The following RRP9 variants were observed in gnomAD, a reference collection of about 807,000 sequenced individuals.
RRP9 encodes ribosomal RNA processing 9, U3 small nucleolar RNA binding protein.
Under a neutral mutation model 65.5 loss-of-function variants are expected in RRP9, and 35 were observed. The observed-to-expected ratio is 0.53, with a 90% CI of 0.41 to 0.71. RRP9 has a LOEUF of 0.71. Among genes scored for constraint, RRP9 ranks in the 30% least tolerant of loss-of-function variants. The pLI is 0.00. For synonymous variants in RRP9, 254 were observed against 245.0 expected (o/e 1.04, Z -0.34); for missense variants, 533 against 633.6 (o/e 0.84, Z 1.70).
rs1184506296 is a variant in RRP9, at chr3:51,937,130, C to A, written c.517+62G>T. On this transcript the variant is annotated intron_variant, in intron 6 of 14. Transcript: ENST00000232888. The surrounding 1 kb of genome is among the most constrained non-coding windows in gnomAD (Gnocchi z 5.0). Reference sequence around the variant, plus strand: ...TCAGCCTGCCATGACCACTCCCACTCCCCTGACCAGCCCTCCCGGATCCGC... The same window carrying A: ...TCAGCCTGCCATGACCACTCCCACTACCCTGACCAGCCCTCCCGGATCCGC... 2.5e-6 allele frequency: 4 copies of A among 1,598,064 alleles called. No individual in the cohort carries two copies. Among genetic ancestry groups the A allele is most frequent in the Non-Finnish European group, 3.4e-6 (4 of 1,171,154 alleles).
chr3:51,938,647 C>T (rs1032841246), intron 2 of RRP9, among the ~76,000 whole-genome samples: 1 of 152,190 alleles, frequency 6.6e-6, no homozygotes, highest in Admixed American at 6.5e-5. Flanking sequence ...TCAACGACGA[C>T]ACTGCCAGGT....
At position 51,937,364 on chromosome 3, in the gene RRP9, A is replaced by T. The variant is rs1699470806; in HGVS notation, c.391-46T>A. The T allele has an allele frequency of 1.2e-6, 2 of 1,612,902 alleles. No individual in the cohort carries two copies. Among genetic ancestry groups the T allele is most frequent in the East Asian group, 4.5e-5 (2 of 44,874 alleles). On this transcript the variant is annotated intron_variant, in intron 5 of 14. Coordinates refer to ENST00000232888, the MANE Select transcript of RRP9 (RefSeq NM_004704.5). The surrounding 1 kb of genome is among the most constrained non-coding windows in gnomAD (Gnocchi z 5.0). Reference sequence around the variant, plus strand: ...TCACTGTGGCTAGTGGCATAAAGGCACTACCTTCACCAACCCCACTGCGTA... The same window carrying T: ...TCACTGTGGCTAGTGGCATAAAGGCTCTACCTTCACCAACCCCACTGCGTA...
In RRP9 at chr3:51,933,559, CAG is replaced by C. The variant is rs1338422964; in HGVS notation, c.1373_1374del (p.Ser458CysfsTer38). On this transcript the variant is annotated frameshift_variant, in exon 15 of 15. Transcript: ENST00000232888. LOFTEE classifies it high-confidence loss of function. ...RWWRIKEARN[S>X]VCIIPLRRVP... ...ACCCTGCGGAGTGGGATGATGCAGACAGAATTCCGAGCCTCTTTGATTCTCCA... is the reference window on the plus strand; with the variant it reads ...ACCCTGCGGAGTGGGATGATGCAGACAATTCCGAGCCTCTTTGATTCTCCA... 1 of 1,613,998 alleles carries C rather than the reference CAG, an allele frequency of 6.2e-7. No homozygotes were observed. The highest frequency in any genetic ancestry group is 1.3e-5 in the African/African-American group (1 of 74,910).
At chr3:51,941,562 C>A (rs376328017) in intron 1 of RRP9, 71 bp from the exon 2 acceptor site, 390 of 1,401,218 alleles carry the variant, frequency 2.8e-4, no homozygotes, top group Non-Finnish European at 3.7e-4. Context: ...GGCCCCCCCC[C>A]CTCGGTTCCC....
chr3:51,933,463 G>T lies in RRP9; in HGVS notation c.*43C>A. Reference sequence around the variant, plus strand: ...AGGAGGCTTTTAATACAAAGAGGGTGGGGCATAGCCTGGGAAGGACTTAAA... The same window carrying T: ...AGGAGGCTTTTAATACAAAGAGGGTTGGGCATAGCCTGGGAAGGACTTAAA... On this transcript the variant is annotated 3_prime_UTR_variant, in exon 15 of 15. Transcript: ENST00000232888. 6.6e-7 allele frequency: 1 copy of T among 1,504,584 alleles called. No homozygotes were observed. Among genetic ancestry groups the T allele is most frequent in the Non-Finnish European group, 9.2e-7 (1 of 1,083,652 alleles). 93.2% of individuals were successfully genotyped at this position (1,504,584 alleles called of 1,614,324 possible).
chr3:51,941,555 C>CG, intron 1 of RRP9, 64 bp from the exon 2 acceptor site: 1 of 1,437,072 alleles, frequency 7.0e-7, no homozygotes, highest in African/African-American at 1.4e-5. Flanking sequence ...GACCAAGGGC[C>CG]CCCCCCCCTC....
rs1243924051 is a variant in RRP9 at position 51,937,857 on chromosome 3, G to C, written c.281-121C>G. On this transcript the variant is annotated intron_variant, in intron 3 of 14. Transcript: ENST00000232888. This position sits in a 1 kb window ranked among gnomAD's most constrained non-coding sequence, Gnocchi z 5.0. Reference sequence around the variant, plus strand: ...AGGAAGCTCCAGCTGCCTCAGCAGAGGGGAGGGCAAGCTGGAGGGTTTCCT... The same window carrying C: ...AGGAAGCTCCAGCTGCCTCAGCAGACGGGAGGGCAAGCTGGAGGGTTTCCT... The C allele has an allele frequency of 8.0e-7, 1 of 1,251,954 alleles. No individual in the cohort carries two copies. Among genetic ancestry groups the C allele is most frequent in the East Asian group, 2.3e-5 (1 of 42,658 alleles). The allele number at this position is 1,251,954 out of a possible 1,614,324, so 77.6% of individuals were successfully genotyped here.
intron 7 of RRP9, 37 bp downstream of exon 7, chr3:51,936,394 G>A (rs768254474): frequency 4.3e-6 from 7 of 1,614,074 alleles, no homozygotes; most frequent in Non-Finnish European, 5.9e-6. Flanking sequence ...CCATGCACCA[G>A]ACCTCCCGCC....
chr3:51,939,995 G>A (rs1480430322), intron 2 of RRP9, among the ~76,000 whole-genome samples: 2 of 152,216 alleles, frequency 1.3e-5, no homozygotes, highest in African/African-American at 2.4e-5. Context: ...GGTGGCTCAC[G>A]CCTATAATCC....
At chr3:51,941,518 G>T (rs748494589) in intron 1 of RRP9, 27 bp from the exon 2 acceptor site, 2 of 1,607,008 alleles carry the variant, frequency 1.2e-6, no homozygotes, top group Non-Finnish European at 1.7e-6. Context: ...CTTTTCTTTG[G>T]TCAGGGGTCC....
rs749173437 is a variant in RRP9, at chr3:51,937,329, A to T, written c.391-11T>A. ...GGCTGGGGCCTGGATCTGGGCAGAC[A>T]GGGGCCAGGTCACTGTGGCTAGTGG... On this transcript the variant is annotated splice_polypyrimidine_tract_variant and intron_variant, in intron 5 of 14. Coordinates refer to ENST00000232888, the MANE Select transcript of RRP9 (RefSeq NM_004704.5). This position sits in a 1 kb window ranked among gnomAD's most constrained non-coding sequence, Gnocchi z 5.0. 1 of 1,613,992 alleles carries T rather than the reference A, an allele frequency of 6.2e-7. No homozygotes were observed. The highest frequency in any genetic ancestry group is 1.1e-5 in the South Asian group (1 of 91,046).
chr3:51,941,652 G>A, intron 1 of RRP9, 129 bp downstream of exon 1: 1 of 1,087,720 alleles, frequency 9.2e-7, no homozygotes, highest in Non-Finnish European at 1.4e-6. Flanking sequence ...CGGAGAGAGG[G>A]ACGAAGCTGA....
At position 51,941,767 on chromosome 3, in the gene RRP9, A is replaced by G; in HGVS notation, c.87+14T>C. On this transcript the variant is annotated intron_variant, in intron 1 of 14. Transcript: ENST00000232888. Reference sequence around the variant, plus strand: ...AGCAGGGCTGACCGCGGCCCTCAGAAGCGCCATGCTCACCTTTCGCCGCCG... The same window carrying G: ...AGCAGGGCTGACCGCGGCCCTCAGAGGCGCCATGCTCACCTTTCGCCGCCG... 6.4e-7 allele frequency: 1 copy of G among 1,550,556 alleles called. No individual in the cohort carries two copies. The highest frequency in any genetic ancestry group is 2.4e-5 in the East Asian group (1 of 41,752).
chr3:51,933,674 C>T, intron 14 of RRP9, 34 bp downstream of exon 14: 7 of 1,612,928 alleles, frequency 4.3e-6, no homozygotes, highest in Non-Finnish European at 5.9e-6. Context: ...CCAGCCTGCA[C>T]CACCTTACCT....
intron 1 of RRP9, 34 bp from the exon 2 acceptor site, chr3:51,941,525 G>T (rs1363662501): frequency 6.3e-7 from 1 of 1,580,478 alleles, no homozygotes; most frequent in Admixed American, 1.7e-5. Context: ...TTGGTCAGGG[G>T]TCCAGACCAC....
At chr3:51,941,687 G>A in intron 1 of RRP9, 94 bp downstream of exon 1, 1 of 1,239,146 alleles carries the variant, frequency 8.1e-7, no homozygotes, top group Admixed American at 2.0e-5. Flanking sequence ...CAGGGCGAAG[G>A]GCTGGGGAAG....
Position 51,941,774 on chromosome 3 carries a change from T to C in RRP9, c.87+7A>G, listed in dbSNP as rs1281628337. ...CTGACCGCGGCCCTCAGAAGCGCCA[T>C]GCTCACCTTTCGCCGCCGCTTGCCG... is the stretch of plus-strand genomic sequence containing the variant. On this transcript the variant is annotated splice_region_variant and intron_variant, in intron 1 of 14. Coordinates refer to ENST00000232888, the MANE Select transcript of RRP9 (RefSeq NM_004704.5). 1.3e-6 allele frequency: 2 copies of C among 1,555,370 alleles called. No homozygotes were observed. The highest frequency in any genetic ancestry group is 2.4e-5 in the East Asian group (1 of 41,954).
chr3:51,941,159 A>C lies in RRP9; in HGVS notation c.170+250T>G, dbSNP rs531337531. ...TTGTTCTGTTTTCCTGCAATTTCTC[A>C]ATCAGTCCAGTCCCTGCCAAAACCT... is the stretch of plus-strand genomic sequence containing the variant. On this transcript the variant is annotated intron_variant, in intron 2 of 14. Coordinates refer to ENST00000232888, the MANE Select transcript of RRP9 (RefSeq NM_004704.5). 5.3e-5 allele frequency among the ~76,000 whole-genome samples: 8 copies of C among 152,228 alleles called. 1 individual carries two copies. The highest frequency in any genetic ancestry group is 1.2e-4 in the Non-Finnish European group (8 of 68,038).
Position 51,941,791 on chromosome 3 carries a change from C to T in RRP9, c.77G>A (p.Arg26Gln). ...AAGCGCCATGCTCACCTTTCGCCGCCGCTTGCCGGCCCCCGCGCCAGCCCC... is the reference window on the plus strand; with the variant it reads ...AAGCGCCATGCTCACCTTTCGCCGCTGCTTGCCGGCCCCCGCGCCAGCCCC... The part of the protein sequence containing the change: ...GAGAGAGAGK[R>Q]RRKADSAGDR... Residue 26 changes from arginine (R) to glutamine (Q), a missense_variant, in exon 1 of 15, where the codon CGG becomes CAG. Physicochemically the swap from Arg to Gln is conservative, Grantham distance 43. Transcript: ENST00000232888. 1.3e-6 allele frequency: 2 copies of T among 1,564,502 alleles called. No homozygotes were observed. The highest frequency in any genetic ancestry group is 1.7e-6 in the Non-Finnish European group (2 of 1,163,210).
Sources: gnomAD v4.1 joint callset for allele counts (sites outside exome capture counted in the v4.1 genomes callset) on GRCh38, gnomAD v4.1.1 for gene constraint, Gnocchi (gnomAD v3.1) non-coding constraint, MANE v1.5 for transcripts, NCBI Gene and HGNC (gene_info 2026-07-23, HGNC 2026-07-21) for gene names.